KCNQ1: variants seen among roughly 807,000 people sequenced by gnomAD.
The protein encoded by KCNQ1 is potassium voltage-gated channel subfamily Q member 1.
A neutral mutation model predicts 72.4 loss-of-function variants in KCNQ1; 49 were observed. The ratio of observed to expected loss-of-function variants is 0.68; its 90% CI spans 0.54 to 0.86. The LOEUF (loss-of-function observed/expected upper bound fraction) is 0.86. Among genes scored for constraint, KCNQ1 ranks in the 40% least tolerant of loss-of-function variants. KCNQ1 has a pLI of 0.00. For synonymous variants in KCNQ1, 450 were observed against 412.6 expected (o/e 1.09, Z -1.10); for missense variants, 790 against 945.1 (o/e 0.84, Z 2.15).
intron 15 of KCNQ1, among the ~76,000 whole-genome samples, chr11:2,822,357 A>G (rs185044858): frequency 2.3e-4 from 35 of 152,286 alleles, no homozygotes; most frequent in African/African-American, 8.4e-4. Context: ...CCTGGGGTAT[A>G]GTGTGGATAA....
rs913736953 is a variant in KCNQ1 at position 2,768,081 on chromosome 11, C to A, written c.1515-763C>A. Among the ~76,000 whole-genome samples the A allele has an allele frequency of 6.6e-6, 1 of 152,226 alleles. No individual in the cohort carries two copies. The highest frequency in any genetic ancestry group is 1.5e-5 in the Non-Finnish European group (1 of 68,038). ...CTTTCTTGGTCTCCAAAGCCTCACA[C>A]AGCTGTTCCTTGCTGTTGGCATCAC... On this transcript the variant is annotated intron_variant, in intron 11 of 15. Coordinates refer to ENST00000155840, the MANE Select transcript of KCNQ1 (RefSeq NM_000218.3). This position sits in a 1 kb window ranked among gnomAD's most constrained non-coding sequence, Gnocchi z 6.7.
rs1851179595 is a variant in KCNQ1 at position 2,720,244 on chromosome 11, G to A, written c.1515-48600G>A. ...GAGAAGCCAAGTGCCCTTGCCATTT[G>A]TTATCTTTAAAAAGTATCGGTGGGC... On this transcript the variant is annotated intron_variant, in intron 11 of 15. Transcript: ENST00000155840. The surrounding 1 kb of genome is among the most constrained non-coding windows in gnomAD (Gnocchi z 5.1). Among the ~76,000 whole-genome samples, 1 of 152,136 alleles carries A rather than the reference G, an allele frequency of 6.6e-6. No homozygotes were observed. Among genetic ancestry groups the A allele is most frequent in the Non-Finnish European group, 1.5e-5 (1 of 68,018 alleles).
chr11:2,453,330 G>A (rs943813655), intron 1 of KCNQ1, among the ~76,000 whole-genome samples: 5 of 152,054 alleles, frequency 3.3e-5, no homozygotes, highest in East Asian at 1.9e-4. Context: ...CCGAGATCAC[G>A]CCGTTGCACT....
Position 2,467,970 on chromosome 11 carries a change from C to T in KCNQ1, c.386+22486C>T, listed in dbSNP as rs373097370. Among the ~76,000 whole-genome samples, 27 of 152,324 alleles carry T rather than the reference C, an allele frequency of 1.8e-4. 1 individual carries two copies. In the South Asian group the frequency reaches 5.6e-3, roughly 32 times the overall value. ...GGCTGGCCCAGCGTGGGGACCTGCC[C>T]AGTGGCCCTGTGGGTGCAGGCCATG... On this transcript the variant is annotated intron_variant, in intron 1 of 15. Coordinates refer to ENST00000155840, the MANE Select transcript of KCNQ1 (RefSeq NM_000218.3).
At chr11:2,660,559 G>C in intron 10 of KCNQ1, 1 of 398,576 alleles carries the variant, frequency 2.5e-6, no homozygotes. Context: ...AAGCAAAAGT[G>C]AGCAAAGGAC....
At chr11:2,466,245 G>T (rs75448688) in intron 1 of KCNQ1, among the ~76,000 whole-genome samples, 2,639 of 152,314 alleles carry the variant, frequency 0.017, 68 homozygotes, top group African/African-American at 0.057. Context: ...CTGAGGCCCA[G>T]AGTGGAGAAG....
intron 15 of KCNQ1, among the ~76,000 whole-genome samples, chr11:2,834,483 C>A (rs1472437941): frequency 6.6e-6 from 1 of 152,212 alleles, no homozygotes; most frequent in African/African-American, 2.4e-5. Context: ...AGCCTCTGCT[C>A]CTGCCTCTGA....
intron 11 of KCNQ1, among the ~76,000 whole-genome samples, chr11:2,721,169 A>G (rs973959644): frequency 3.3e-5 from 5 of 152,162 alleles, no homozygotes; most frequent in Non-Finnish European, 7.4e-5. Flanking sequence ...GGGCCAGACC[A>G]ACTCCAGGGA....
At chr11:2,641,740 C>T in intron 10 of KCNQ1, 1 of 398,340 alleles carries the variant, frequency 2.5e-6, no homozygotes, top group Non-Finnish European at 4.4e-6. Flanking sequence ...TCCCCAATGT[C>T]TCCTTCATTA....
chr11:2,758,792 C>T (rs931954576), intron 11 of KCNQ1, among the ~76,000 whole-genome samples: 1 of 152,150 alleles, frequency 6.6e-6, no homozygotes, highest in Non-Finnish European at 1.5e-5. Flanking sequence ...AAAAAGCCTC[C>T]CCCGAAAGGT....
chr11:2,669,624 C>T lies in KCNQ1; in HGVS notation c.1514+7543C>T. Reference sequence around the variant, plus strand: ...GGGGCAGTCACCTAATCTCTATCAGCCTCAGTTTCCTCTTGTATACATTGG... The same window carrying T: ...GGGGCAGTCACCTAATCTCTATCAGTCTCAGTTTCCTCTTGTATACATTGG... On this transcript the variant is annotated intron_variant, in intron 11 of 15. Coordinates refer to ENST00000155840, the MANE Select transcript of KCNQ1 (RefSeq NM_000218.3). The surrounding 1 kb of genome is among the most constrained non-coding windows in gnomAD (Gnocchi z 5.6). The T allele has an allele frequency of 2.5e-6, 1 of 398,638 alleles. No homozygotes were observed. Among genetic ancestry groups the T allele is most frequent in the Non-Finnish European group, 4.4e-6 (1 of 226,070 alleles). The allele number at this position is 398,638 out of a possible 1,614,324, so 24.7% of individuals were successfully genotyped here. A position where few individuals can be genotyped will look rare whatever the true frequency, so the allele number is the denominator to read the frequency against.
intron 1 of KCNQ1, among the ~76,000 whole-genome samples, chr11:2,500,759 C>A (rs1205143583): frequency 6.6e-6 from 1 of 151,208 alleles, no homozygotes; most frequent in Non-Finnish European, 1.5e-5. Context: ...TCATTCTCAG[C>A]AAACTAACAC....
Position 2,477,215 on chromosome 11 carries a change from T to C in KCNQ1, c.386+31731T>C, listed in dbSNP as rs537097438. Among the ~76,000 whole-genome samples the C allele has an allele frequency of 6.6e-6, 1 of 152,328 alleles. No homozygotes were observed. The highest frequency in any genetic ancestry group is 1.9e-4 in the East Asian group (1 of 5,178). On this transcript the variant is annotated intron_variant, in intron 1 of 15. Transcript: ENST00000155840. This position sits in a 1 kb window ranked among gnomAD's most constrained non-coding sequence, Gnocchi z 5.0. ...GAGACATGGCACGTGGTGAAAATGC[T>C]TGGCAAAGTGTTCAAGGCAGGATGG...
Position 2,603,178 on chromosome 11 carries a change from T to A in KCNQ1, c.1393+14324T>A, listed in dbSNP as rs1312659132. Reference sequence around the variant, plus strand: ...TTGCAATAAAGCAAGTCACACAAATTTTTTGGTTTGCCACTGCATATAAAA... The same window carrying A: ...TTGCAATAAAGCAAGTCACACAAATATTTTGGTTTGCCACTGCATATAAAA... On this transcript the variant is annotated intron_variant, in intron 10 of 15. Transcript: ENST00000155840. The surrounding 1 kb of genome is among the most constrained non-coding windows in gnomAD (Gnocchi z 4.1). Among the ~76,000 whole-genome samples, 1 of 152,180 alleles carries A rather than the reference T, an allele frequency of 6.6e-6. No homozygotes were observed. The highest frequency in any genetic ancestry group is 1.5e-5 in the Non-Finnish European group (1 of 68,040).
Position 2,734,162 on chromosome 11 carries a change from G to A in KCNQ1, c.1515-34682G>A, listed in dbSNP as rs1454621124. 6.6e-6 allele frequency among the ~76,000 whole-genome samples: 1 copy of A among 152,184 alleles called. No homozygotes were observed. The highest frequency in any genetic ancestry group is 2.4e-5 in the African/African-American group (1 of 41,460). ...CCGGCCCCAGGGCCCGCAGGTGTGT[G>A]TGAGAGGTGCATGGTGGACGTCCAA... On this transcript the variant is annotated intron_variant, in intron 11 of 15. Coordinates refer to ENST00000155840, the MANE Select transcript of KCNQ1 (RefSeq NM_000218.3). This position sits in a 1 kb window ranked among gnomAD's most constrained non-coding sequence, Gnocchi z 7.0.
At position 2,725,487 on chromosome 11, in the gene KCNQ1, C is replaced by T. The variant is rs1379084192; in HGVS notation, c.1515-43357C>T. On this transcript the variant is annotated intron_variant, in intron 11 of 15. Coordinates refer to ENST00000155840, the MANE Select transcript of KCNQ1 (RefSeq NM_000218.3). This position sits in a 1 kb window ranked among gnomAD's most constrained non-coding sequence, Gnocchi z 7.2. ...ATTTGTCCGGTTGGGGGTCCCCAAT[C>T]GTCTTCGAGCTACTGATATAGAACC... 1.3e-5 allele frequency among the ~76,000 whole-genome samples: 2 copies of T among 152,200 alleles called. No individual in the cohort carries two copies. The highest frequency in any genetic ancestry group is 2.9e-5 in the Non-Finnish European group (2 of 68,026).
chr11:2,825,568 C>T (rs928713809), intron 15 of KCNQ1, among the ~76,000 whole-genome samples: 3 of 152,226 alleles, frequency 2.0e-5, no homozygotes, highest in Non-Finnish European at 4.4e-5. Context: ...TAGATGTCGT[C>T]GTCTTCAACA....
chr11:2,654,454 CG>C lies in KCNQ1; in HGVS notation c.1394-7506del, dbSNP rs1378383442. The C allele has an allele frequency of 5.0e-6, 2 of 398,492 alleles. No homozygotes were observed. Among genetic ancestry groups the C allele is most frequent in the Non-Finnish European group, 8.8e-6 (2 of 226,172 alleles). The allele number at this position is 398,492 out of a possible 1,614,324, so 24.7% of individuals were successfully genotyped here. ...CAGAAGGCAAGGTTCCCGTGCTGAGCGCCAGGCACACATAAGCCCTGCAGCC... is the reference window on the plus strand; with the variant it reads ...CAGAAGGCAAGGTTCCCGTGCTGAGCCCAGGCACACATAAGCCCTGCAGCC... On this transcript the variant is annotated intron_variant, in intron 10 of 15. Transcript: ENST00000155840. This position sits in a 1 kb window ranked among gnomAD's most constrained non-coding sequence, Gnocchi z 6.4.
At chr11:2,625,176 C>T (rs909967108) in intron 10 of KCNQ1, 29 of 398,524 alleles carry the variant, frequency 7.3e-5, no homozygotes, top group Non-Finnish European at 2.2e-5. Context: ...AGAGGCTGTA[C>T]CATTTTGCAT....
Sources: allele counts gnomAD v4.1 joint callset (sites outside exome capture counted in the v4.1 genomes callset), GRCh38; gene constraint gnomAD v4.1.1; non-coding constraint Gnocchi (gnomAD v3.1); transcripts MANE v1.5; gene names NCBI Gene and HGNC (gene_info 2026-07-23, HGNC 2026-07-21).